The following CSMD2 variants were observed in gnomAD, a reference collection of about 807,000 sequenced individuals.
The protein encoded by CSMD2 is CUB and Sushi multiple domains 2, also known as CUB and sushi domain-containing protein 2.
CSMD2 carries 130 observed loss-of-function variants against 398.5 expected under a neutral mutation model. The observed-to-expected ratio is 0.33, with a 90% CI of 0.28 to 0.38. The LOEUF (loss-of-function observed/expected upper bound fraction) is 0.38. CSMD2 is among the 10% of genes least tolerant of loss of function. The pLI is 1.00. For missense variants in CSMD2, 3,829 were observed against 4,764.9 expected (o/e 0.80, Z 5.78); for synonymous variants, 1,828 against 1,908.5 (o/e 0.96, Z 1.10).
chr1:34,132,144 C>T (rs774704686), intron 1 of CSMD2, among the ~76,000 whole-genome samples: 23 of 152,124 alleles, frequency 1.5e-4, no homozygotes, highest in Admixed American at 2.0e-4. Context: ...AGGGAGGACT[C>T]GCCTCTGGAA....
intron 55 of CSMD2, among the ~76,000 whole-genome samples, chr1:33,554,148 A>C (rs986070481): frequency 7.4e-5 from 11 of 148,018 alleles, no homozygotes; most frequent in African/African-American, 2.8e-4. Context: ...GAAGGTGGCT[A>C]CTCTAAACAA....
At chr1:33,570,389 G>C (rs539557003) in intron 51 of CSMD2, among the ~76,000 whole-genome samples, 1 of 149,366 alleles carries the variant, frequency 6.7e-6, no homozygotes, top group East Asian at 2.0e-4. Flanking sequence ...GGCCAGGCTG[G>C]TCTCGAACTC....
chr1:33,547,962 C>G, intron 56 of CSMD2, among the ~76,000 whole-genome samples: 1 of 152,192 alleles, frequency 6.6e-6, no homozygotes, highest in Non-Finnish European at 1.5e-5. Context: ...GTGATTGGAT[C>G]ATGGGGTGGA....
intron 3 of CSMD2, among the ~76,000 whole-genome samples, chr1:33,979,538 G>A (rs1353956095): frequency 6.6e-6 from 1 of 152,214 alleles, no homozygotes; most frequent in Non-Finnish European, 1.5e-5. Context: ...GAGCGACTGT[G>A]AATGCCAATC....
intron 2 of CSMD2, among the ~76,000 whole-genome samples, chr1:34,068,839 G>T (rs969398256): frequency 1.3e-5 from 2 of 152,202 alleles, no homozygotes; most frequent in Non-Finnish European, 2.9e-5. Context: ...TAAAAGGGGA[G>T]TTCCCTTGCA....
At chr1:33,941,303 TTTTAA>T (rs1372231657) in intron 3 of CSMD2, among the ~76,000 whole-genome samples, 104 of 152,346 alleles carry the variant, frequency 6.8e-4, no homozygotes, top group African/African-American at 2.4e-3. Flanking sequence ...CTTCTTTTAT[TTTTAA>T]TTTGAGACTT....
At chr1:33,757,541 TC>T (rs926474270) in intron 13 of CSMD2, among the ~76,000 whole-genome samples, 6 of 152,048 alleles carry the variant, frequency 3.9e-5, no homozygotes, top group Admixed American at 3.3e-4. Context: ...CTCTTCTCAC[TC>T]CCCACTCTTG....
Position 33,709,107 on chromosome 1 carries a change from G to C in CSMD2, c.3558C>G (p.Ser1186=). ...IQLKARAFEL[S]EGDVLKVYDG... ...ATTTTACCTTGAGGACATCTCCTTC[G>C]GAGAGTTCGAATGCCCTGGCTTTCA... is the stretch of plus-strand genomic sequence containing the variant. The change falls in exon 22 of 71, where the codon TCC becomes TCG. Residue 1186 remains serine (S), a synonymous_variant. Coordinates refer to ENST00000373381, the MANE Select transcript of CSMD2 (RefSeq NM_001281956.2). The C allele has an allele frequency of 6.2e-7, 1 of 1,613,374 alleles. No homozygotes were observed. Among genetic ancestry groups the C allele is most frequent in the Non-Finnish European group, 8.5e-7 (1 of 1,179,684 alleles).
intron 1 of CSMD2, among the ~76,000 whole-genome samples, chr1:34,126,451 G>C (rs572125422): frequency 6.6e-6 from 1 of 152,158 alleles, no homozygotes; most frequent in Non-Finnish European, 1.5e-5. Flanking sequence ...CTAAGGCCAC[G>C]GTTATGGGAG....
At chr1:33,552,085 A>G (rs541529829) in intron 55 of CSMD2, among the ~76,000 whole-genome samples, 1 of 152,348 alleles carries the variant, frequency 6.6e-6, no homozygotes, top group Admixed American at 6.5e-5. Context: ...AGAATTGCCA[A>G]TCATAAGCAA....
At chr1:33,941,845 A>C (rs1026578156) in intron 3 of CSMD2, among the ~76,000 whole-genome samples, 1 of 151,748 alleles carries the variant, frequency 6.6e-6, no homozygotes, top group Non-Finnish European at 1.5e-5. Context: ...TATACATGAG[A>C]TATATAATTA....
intron 9 of CSMD2, among the ~76,000 whole-genome samples, chr1:33,812,140 T>C (rs1656934053): frequency 6.6e-6 from 1 of 152,152 alleles, no homozygotes; most frequent in African/African-American, 2.4e-5. Context: ...CATTCCAACA[T>C]TTATTGAGTG....
intron 10 of CSMD2, among the ~76,000 whole-genome samples, chr1:33,808,293 G>A (rs907406966): frequency 1.3e-5 from 2 of 151,676 alleles, no homozygotes; most frequent in African/African-American, 4.8e-5. Flanking sequence ...GGACATATTA[G>A]AAAACAAAAA....
chr1:34,070,297 C>G (rs536996365), intron 2 of CSMD2, among the ~76,000 whole-genome samples: 1 of 152,332 alleles, frequency 6.6e-6, no homozygotes, highest in East Asian at 1.9e-4. Context: ...AATCCCGTCT[C>G]TGGTAGGTTT....
At chr1:33,554,726 A>C (rs1404154343) in intron 55 of CSMD2, among the ~76,000 whole-genome samples, 3 of 152,158 alleles carry the variant, frequency 2.0e-5, no homozygotes, top group Admixed American at 2.0e-4. Flanking sequence ...ATGACAGCGC[A>C]TCTGTTTATA....
In CSMD2 at chr1:33,707,227, C is replaced by T. The variant is rs188344273; in HGVS notation, c.3576+1862G>A. Reference sequence around the variant, plus strand: ...TGCTGGCTCTATCAGGTCACTTGCACAGAACCACTGCTTATACTCCCTTCA... The same window carrying T: ...TGCTGGCTCTATCAGGTCACTTGCATAGAACCACTGCTTATACTCCCTTCA... On this transcript the variant is annotated intron_variant, in intron 22 of 70. Coordinates refer to ENST00000373381, the MANE Select transcript of CSMD2 (RefSeq NM_001281956.2). 1.8e-3 allele frequency among the ~76,000 whole-genome samples: 273 copies of T among 152,326 alleles called. 1 individual carries two copies. Among genetic ancestry groups the T allele is most frequent in the Non-Finnish European group, 2.2e-3 (150 of 68,026 alleles).
At chr1:33,594,653 A>T (rs1184119706) in intron 44 of CSMD2, among the ~76,000 whole-genome samples, 1 of 151,944 alleles carries the variant, frequency 6.6e-6, no homozygotes. Context: ...CTTATTTCTT[A>T]TCTTCTATCT....
intron 3 of CSMD2, among the ~76,000 whole-genome samples, chr1:33,944,605 C>T (rs937275613): frequency 2.6e-5 from 4 of 152,186 alleles, no homozygotes; most frequent in African/African-American, 9.7e-5. Flanking sequence ...TCCGAAGGGT[C>T]ACACAGCTAG....
intron 13 of CSMD2, among the ~76,000 whole-genome samples, chr1:33,747,430 G>A (rs1381402894): frequency 6.6e-6 from 1 of 152,120 alleles, no homozygotes; most frequent in Admixed American, 6.5e-5. Flanking sequence ...TAGTTTCTGT[G>A]GTTAATTAGA....
Sources: gnomAD v4.1 joint callset for allele counts (sites outside exome capture counted in the v4.1 genomes callset) on GRCh38, gnomAD v4.1.1 for gene constraint, MANE v1.5 for transcripts, NCBI Gene and HGNC (gene_info 2026-07-23, HGNC 2026-07-21) for gene names.